Variants in SLC9C2 observed in about 807,000 individuals in gnomAD.
SLC9C2 encodes solute carrier family 9 member C2 (putative), also known as sodium/hydrogen exchanger 11.
SLC9C2 carries 75 observed loss-of-function variants against 140.2 expected under a neutral mutation model. The ratio of observed to expected loss-of-function variants is 0.53; its 90% CI spans 0.44 to 0.65. The LOEUF is 0.65. Among genes scored for constraint, SLC9C2 ranks in the 30% least tolerant of loss-of-function variants. SLC9C2 has a pLI of 0.00. For synonymous variants in SLC9C2, 375 were observed against 420.9 expected (o/e 0.89, Z 1.34); for missense variants, 1,074 against 1,331.8 (o/e 0.81, Z 3.01).
At chr1:173,564,621 G>C (rs1009360438) in intron 9 of SLC9C2, among the ~76,000 whole-genome samples, 1 of 147,536 alleles carries the variant, frequency 6.8e-6, no homozygotes, top group Non-Finnish European at 1.5e-5. Context: ...CAGATGGGTA[G>C]TTTTCTTTTC....
intron 9 of SLC9C2, among the ~76,000 whole-genome samples, chr1:173,560,323 C>T (rs1664021861): frequency 6.6e-6 from 1 of 152,234 alleles, no homozygotes; most frequent in Non-Finnish European, 1.5e-5. Context: ...CATCCCCCAA[C>T]TGGTAGGGAT....
intron 19 of SLC9C2, 84 bp from the exon 20 acceptor site, chr1:173,525,011 A>G (rs1661098599): frequency 2.9e-6 from 4 of 1,372,614 alleles, no homozygotes; most frequent in Non-Finnish European, 3.0e-6. Context: ...TATAATTTCC[A>G]AAGCATTTAC....
intron 10 of SLC9C2, among the ~76,000 whole-genome samples, chr1:173,557,092 T>G (rs1467787928): frequency 1.3e-5 from 2 of 152,220 alleles, no homozygotes; most frequent in African/African-American, 4.8e-5. Flanking sequence ...TCACCCAGCC[T>G]GTGAATGGTG....
At position 173,535,953 on chromosome 1, in the gene SLC9C2, A is replaced by G. The variant is rs1463777666; in HGVS notation, c.1656-4T>C. On this transcript the variant is annotated splice_polypyrimidine_tract_variant and splice_region_variant and intron_variant, in intron 14 of 27. Transcript: ENST00000367714. ...AACATCATAAATACTCATGAATCTA[A>G]CAGAGAAAAATGTACATATGTGTTA... 37 of 1,497,344 alleles carry G rather than the reference A, an allele frequency of 2.5e-5. No individual in the cohort carries two copies. Among genetic ancestry groups the G allele is most frequent in the Non-Finnish European group, 3.0e-5 (34 of 1,117,146 alleles). The allele number at this position is 1,497,344 out of a possible 1,614,324, so 92.8% of individuals were successfully genotyped here. A position where few individuals can be genotyped will look rare whatever the true frequency, so the allele number is the denominator to read the frequency against.
At chr1:173,503,438 T>TCCCTTCC in intron 26 of SLC9C2, 112 bp from the exon 27 acceptor site, 1 of 964,388 alleles carries the variant, frequency 1.0e-6, no homozygotes. Flanking sequence ...GTTTCCCTTT[T>TCCCTTCC]CCCTTCCCCC....
chr1:173,573,942 C>T (rs1402501232), intron 8 of SLC9C2, among the ~76,000 whole-genome samples: 3 of 152,186 alleles, frequency 2.0e-5, no homozygotes, highest in African/African-American at 7.2e-5. Flanking sequence ...ACTGTCTGCA[C>T]TAATGTAGTT....
In SLC9C2 at chr1:173,593,068, T is replaced by C. The variant is rs570571900; in HGVS notation, c.357+4836A>G. ...ACCACCAGACCCACCTTACAAGAGA[T>C]CTTGAATGAAGCACTAAATATGGAA... On this transcript the variant is annotated intron_variant, in intron 4 of 27. Transcript: ENST00000367714. 5.5e-4 allele frequency among the ~76,000 whole-genome samples: 84 copies of C among 152,176 alleles called. 1 individual carries two copies. The Middle Eastern group carries it at 0.014, about 25-fold the overall frequency.
At chr1:173,552,890 G>C (rs2102079502) in intron 11 of SLC9C2, among the ~76,000 whole-genome samples, 1 of 152,312 alleles carries the variant, frequency 6.6e-6, no homozygotes, top group Non-Finnish European at 1.5e-5. Flanking sequence ...GGCTATAGCT[G>C]TCATAGATAG....
At chr1:173,535,065 TAA>T (rs749862557) in intron 15 of SLC9C2, among the ~76,000 whole-genome samples, 3 of 152,078 alleles carry the variant, frequency 2.0e-5, no homozygotes, top group Non-Finnish European at 4.4e-5. Flanking sequence ...ATATATTTAT[TAA>T]AACTTTTCAT....
Position 173,506,845 on chromosome 1 carries a change from A to T in SLC9C2, c.3225+11T>A. The T allele has an allele frequency of 1.2e-6, 2 of 1,603,820 alleles. No individual in the cohort carries two copies. Among genetic ancestry groups the T allele is most frequent in the Non-Finnish European group, 1.7e-6 (2 of 1,175,010 alleles). On this transcript the variant is annotated intron_variant, in intron 25 of 27. Coordinates refer to ENST00000367714, the MANE Select transcript of SLC9C2 (RefSeq NM_178527.4). ...AAGAGCAAGAGACTCTTTAGAAATG[A>T]TATTTCTTACCTGCTCACAGGTTGT...
intron 9 of SLC9C2, among the ~76,000 whole-genome samples, chr1:173,562,084 T>C (rs934594506): frequency 1.3e-5 from 2 of 152,296 alleles, no homozygotes; most frequent in East Asian, 3.9e-4. Context: ...TTAAGTTATA[T>C]GCCCATTACA....
chr1:173,533,877 G>T, intron 16 of SLC9C2, 80 bp from the exon 17 acceptor site: 2 of 1,389,826 alleles, frequency 1.4e-6, no homozygotes, highest in East Asian at 2.6e-5. Context: ...TAACAACTAA[G>T]TTCTTAACTA....
intron 22 of SLC9C2, among the ~76,000 whole-genome samples, chr1:173,519,064 A>C (rs1660621436): frequency 6.6e-6 from 1 of 152,120 alleles, no homozygotes. Flanking sequence ...AAGATCTACA[A>C]AGTCCCTTCA....
intron 5 of SLC9C2, among the ~76,000 whole-genome samples, chr1:173,584,656 A>G (rs1487852101): frequency 2.0e-5 from 3 of 152,002 alleles, no homozygotes; most frequent in South Asian, 2.1e-4. Flanking sequence ...AGTCTTCTTT[A>G]TATTTCTTGG....
At chr1:173,507,593 T>C (rs1352292898) in intron 24 of SLC9C2, among the ~76,000 whole-genome samples, 1 of 152,138 alleles carries the variant, frequency 6.6e-6, no homozygotes, top group Non-Finnish European at 1.5e-5. Flanking sequence ...TGTGACCTTA[T>C]TGAAATGGGT....
rs192189646 is a variant in SLC9C2, at chr1:173,581,208, A to G, written c.802+639T>C. On this transcript the variant is annotated intron_variant, in intron 7 of 27. Transcript: ENST00000367714. ...GAGATGAGAGCAAAAGTGGAATTTG[A>G]CAGTTTGGCCACAGTTACTACGTCT... is the stretch of plus-strand genomic sequence containing the variant. 8.6e-4 allele frequency among the ~76,000 whole-genome samples: 131 copies of G among 152,306 alleles called. 2 individuals carry two copies. The East Asian group carries it at 0.024, about 28-fold the overall frequency.
chr1:173,541,856 A>G (rs563862002), intron 13 of SLC9C2, among the ~76,000 whole-genome samples: 1 of 152,382 alleles, frequency 6.6e-6, no homozygotes, highest in East Asian at 1.9e-4. Context: ...ACACATTTAA[A>G]GCAGTGTGTA....
intron 22 of SLC9C2, among the ~76,000 whole-genome samples, chr1:173,520,816 C>T (rs759444412): frequency 1.2e-4 from 19 of 152,148 alleles, no homozygotes; most frequent in Non-Finnish European, 2.8e-4. Flanking sequence ...TTATTTGGTT[C>T]ACAAAATGGG....
In SLC9C2 at chr1:173,533,716, T is replaced by C; in HGVS notation, c.2056A>G (p.Ile686Val). 2 of 1,610,484 alleles carry C rather than the reference T, an allele frequency of 1.2e-6. No homozygotes were observed. Among genetic ancestry groups the C allele is most frequent in the Non-Finnish European group, 1.7e-6 (2 of 1,177,098 alleles). The change falls in exon 17 of 28, where the codon ATC (isoleucine) becomes GTC (valine). Residue 686 changes from isoleucine (I) to valine (V), a missense_variant. Ile to Val is a conservative substitution (Grantham distance 29). Transcript: ENST00000367714. ...FFILVIGIIDIFCVYFVKLRP... is the reference protein window; with the variant it reads ...FFILVIGIIDVFCVYFVKLRP... ...AATTTCACAAAGTATACACAAAAGA[T>C]ATCAATGATTCCAATAACCAGGATA...
Sources: allele counts gnomAD v4.1 joint callset (sites outside exome capture counted in the v4.1 genomes callset), GRCh38; gene constraint gnomAD v4.1.1; transcripts MANE v1.5; gene names NCBI Gene and HGNC (gene_info 2026-07-23, HGNC 2026-07-21).